Variants in LOXHD1 observed in about 807,000 individuals in gnomAD.
The protein encoded by LOXHD1 is lipoxygenase homology PLAT domains 1, also known as lipoxygenase homology domain-containing protein 1.
Under a neutral mutation model 248.2 loss-of-function variants are expected in LOXHD1, and 205 were observed. That is an observed-to-expected ratio of 0.83 (90% CI 0.74 to 0.93). The LOEUF (loss-of-function observed/expected upper bound fraction) is 0.93. LOXHD1 is among the 40% of genes least tolerant of loss of function. The probability of loss-of-function intolerance (pLI) is 0.00; values close to 1 mark genes in which losing one functional copy is unlikely to be tolerated. For missense variants in LOXHD1, 2,930 were observed against 2,971.6 expected (o/e 0.99, Z 0.33); for synonymous variants, 1,113 against 1,162.8 (o/e 0.96, Z 0.87).
intron 21 of LOXHD1, 121 bp from the exon 22 acceptor site, chr18:46,547,179 G>A (rs2036886251): frequency 1.8e-6 from 2 of 1,129,250 alleles, no homozygotes; most frequent in Admixed American, 4.1e-5. Flanking sequence ...GTCTGCCCCT[G>A]ACAGCATTGC....
chr18:46,522,057 A>C, intron 32 of LOXHD1, 44 bp downstream of exon 32: 1 of 1,446,372 alleles, frequency 6.9e-7, no homozygotes, highest in Non-Finnish European at 9.4e-7. Context: ...AGCTCTGTCT[A>C]TCCCTAGGGT....
chr18:46,525,031 T>C (rs1023487324), intron 29 of LOXHD1, 114 bp from the exon 30 acceptor site: 3 of 1,248,894 alleles, frequency 2.4e-6, no homozygotes, highest in Non-Finnish European at 2.2e-6. Flanking sequence ...GAACAGACCT[T>C]CTTTGCTGGG....
intron 14 of LOXHD1, 118 bp downstream of exon 14, chr18:46,577,589 A>C: frequency 8.5e-7 from 1 of 1,182,698 alleles, no homozygotes; most frequent in South Asian, 1.6e-5. Context: ...TTCTTGCACC[A>C]GCTATAGCCT....
chr18:46,639,982 G>A (rs1001659562), intron 3 of LOXHD1, among the ~76,000 whole-genome samples, 182 bp from the exon 4 acceptor site: 2 of 152,126 alleles, frequency 1.3e-5, no homozygotes, highest in African/African-American at 4.8e-5. Context: ...AGCTGGATGT[G>A]CACATTACTG....
At chr18:46,564,597 A>C (rs1406434333) in intron 17 of LOXHD1, among the ~76,000 whole-genome samples, 2 of 151,740 alleles carry the variant, frequency 1.3e-5, no homozygotes, top group Non-Finnish European at 2.9e-5. Context: ...TTTTAGAGGA[A>C]AAATCTAAAG....
intron 36 of LOXHD1, among the ~76,000 whole-genome samples, chr18:46,506,641 TA>T (rs2034592393): frequency 1.3e-5 from 2 of 152,178 alleles, no homozygotes; most frequent in African/African-American, 4.8e-5. Context: ...CTTTAAGCAA[TA>T]GGGGTAAAAG....
intron 29 of LOXHD1, among the ~76,000 whole-genome samples, chr18:46,527,114 A>G (rs76782368): frequency 6.6e-6 from 1 of 151,974 alleles, no homozygotes; most frequent in East Asian, 1.9e-4. Context: ...TTCTTGTGAC[A>G]TAACAATTGC....
At chr18:46,609,176 C>G (rs896222275) in intron 6 of LOXHD1, among the ~76,000 whole-genome samples, 1 of 152,206 alleles carries the variant, frequency 6.6e-6, no homozygotes, top group Non-Finnish European at 1.5e-5. Flanking sequence ...GATTCAGTAG[C>G]TATCATGTGC....
chr18:46,627,680 G>A (rs888111357), intron 4 of LOXHD1, among the ~76,000 whole-genome samples: 2 of 152,136 alleles, frequency 1.3e-5, no homozygotes, highest in Non-Finnish European at 2.9e-5. Context: ...GAAAATATGA[G>A]GTGGAGGATC....
chr18:46,530,488 CTG>C (rs72061063), intron 28 of LOXHD1, among the ~76,000 whole-genome samples: 2,511 of 152,174 alleles, frequency 0.017, 67 homozygotes, highest in African/African-American at 0.057. Context: ...AGTAGTGACA[CTG>C]TGTGACAGCG....
intron 18 of LOXHD1, among the ~76,000 whole-genome samples, chr18:46,560,800 C>G (rs528648812): frequency 6.6e-6 from 1 of 152,062 alleles, no homozygotes; most frequent in Admixed American, 6.5e-5. Context: ...GCAAGCTGGT[C>G]TCCCTCTTCT....
intron 40 of LOXHD1, among the ~76,000 whole-genome samples, chr18:46,478,701 A>G (rs2032261340): frequency 6.6e-6 from 1 of 151,496 alleles, no homozygotes; most frequent in Non-Finnish European, 1.5e-5. Flanking sequence ...TTTAATTTTT[A>G]TTTTCTTTAG....
intron 21 of LOXHD1, among the ~76,000 whole-genome samples, chr18:46,553,951 G>A (rs552570111): frequency 6.6e-6 from 1 of 152,208 alleles, no homozygotes; most frequent in Non-Finnish European, 1.5e-5. Flanking sequence ...ACAGCAAGGA[G>A]TGAGCAAGGG....
chr18:46,551,614 A>AT (rs944108319), intron 21 of LOXHD1, among the ~76,000 whole-genome samples: 2 of 151,934 alleles, frequency 1.3e-5, no homozygotes, highest in South Asian at 2.1e-4. Flanking sequence ...GTAAACTGTC[A>AT]TTTTTTTTCA....
At chr18:46,535,429 G>A (rs1459264329) in intron 26 of LOXHD1, among the ~76,000 whole-genome samples, 1 of 152,062 alleles carries the variant, frequency 6.6e-6, no homozygotes, top group African/African-American at 2.4e-5. Context: ...TGCCAGGTGA[G>A]CCCCTGAACT....
intron 35 of LOXHD1, 145 bp downstream of exon 35, chr18:46,509,553 G>C (rs372601059): frequency 1.1e-5 from 8 of 718,002 alleles, no homozygotes; most frequent in Middle Eastern, 5.0e-4. Context: ...ATGCCAAAGG[G>C]CATACTGGAT....
At chr18:46,590,440 G>A (rs1042372882) in intron 12 of LOXHD1, among the ~76,000 whole-genome samples, 1 of 152,178 alleles carries the variant, frequency 6.6e-6, no homozygotes, top group Non-Finnish European at 1.5e-5. Flanking sequence ...TTAGTTAAAA[G>A]GGTTTCAAAA....
At chr18:46,495,018 T>A (rs1268393097) in intron 37 of LOXHD1, among the ~76,000 whole-genome samples, 5 of 151,944 alleles carry the variant, frequency 3.3e-5, no homozygotes, top group African/African-American at 4.8e-5. Context: ...TGCGCCCGGC[T>A]TTTTTTGTTT....
At position 46,606,936 on chromosome 18, in the gene LOXHD1, C is replaced by T. The variant is rs57550072; in HGVS notation, c.760-2707G>A. Among the ~76,000 whole-genome samples the T allele has an allele frequency of 8.1e-3, 1,229 of 152,072 alleles. 13 individuals carry two copies. The highest frequency in any genetic ancestry group is 0.029 in the African/African-American group (1,187 of 41,472). On this transcript the variant is annotated intron_variant, in intron 6 of 40. Coordinates refer to ENST00000642948, the MANE Select transcript of LOXHD1 (RefSeq NM_001384474.1). ...AACACAGCACTTTCAGAGGTCGAAG[C>T]GGCCATATCACCTAAGGTCAGGAGT...
Sources: gnomAD v4.1 joint callset for allele counts (sites outside exome capture counted in the v4.1 genomes callset) on GRCh38, gnomAD v4.1.1 for gene constraint, MANE v1.5 for transcripts, NCBI Gene and HGNC (gene_info 2026-07-23, HGNC 2026-07-21) for gene names.